Variants in PTK2 observed in about 807,000 individuals in gnomAD.
The protein encoded by PTK2 is focal adhesion kinase 1.
Under a neutral mutation model 150.1 loss-of-function variants are expected in PTK2, and 45 were observed. The ratio of observed to expected loss-of-function variants is 0.30; its 90% CI spans 0.24 to 0.38. The LOEUF (loss-of-function observed/expected upper bound fraction) is 0.38, where lower values mean the gene tolerates loss of function less well. PTK2 is among the 10% of genes least tolerant of loss of function. PTK2 has a pLI of 1.00. For synonymous variants in PTK2, 432 were observed against 449.2 expected (o/e 0.96, Z 0.48); for missense variants, 919 against 1,307.3 (o/e 0.70, Z 4.58).
intron 1 of PTK2, among the ~76,000 whole-genome samples, chr8:140,951,519 T>C (rs1208333685): frequency 1.3e-5 from 2 of 152,196 alleles, no homozygotes; most frequent in African/African-American, 4.8e-5. Context: ...GTTATTTTCC[T>C]GGGTTTATAT....
intron 31 of PTK2, among the ~76,000 whole-genome samples, chr8:140,661,574 T>C (rs141002100): frequency 2.0e-5 from 3 of 152,286 alleles, no homozygotes; most frequent in East Asian, 3.9e-4. Flanking sequence ...CATCAAATAC[T>C]TGAATCTATG....
At chr8:140,852,046 T>G (rs2100129608) in intron 5 of PTK2, among the ~76,000 whole-genome samples, 2 of 152,184 alleles carry the variant, frequency 1.3e-5, no homozygotes, top group African/African-American at 2.4e-5. Flanking sequence ...CTTGGATTTT[T>G]TTCATGACAT....
chr8:140,809,002 G>C (rs2100099844), intron 10 of PTK2, among the ~76,000 whole-genome samples: 1 of 151,914 alleles, frequency 6.6e-6, no homozygotes, highest in Non-Finnish European at 1.5e-5. Flanking sequence ...CAAAGTGCTG[G>C]GATTACAGGC....
At chr8:140,773,500 A>C (rs2100076728) in intron 14 of PTK2, among the ~76,000 whole-genome samples, 1 of 152,192 alleles carries the variant, frequency 6.6e-6, no homozygotes, top group African/African-American at 2.4e-5. Flanking sequence ...TCATCTGCAA[A>C]GACTTCCAGG....
At position 140,883,211 on chromosome 8, in the gene PTK2, G is replaced by C. The variant is rs575633387; in HGVS notation, c.196-3574C>G. On this transcript the variant is annotated intron_variant, in intron 3 of 31. Coordinates refer to ENST00000522684, the Ensembl canonical transcript of PTK2. ...ATAAACTGTTCATTCATTTATTCAT[G>C]AACATCTGAAGTGCCTACTACATGC... 1.2e-3 allele frequency among the ~76,000 whole-genome samples: 178 copies of C among 152,154 alleles called. 2 individuals are homozygous for C. The highest frequency in any genetic ancestry group is 4.1e-3 in the African/African-American group (170 of 41,512).
intron 4 of PTK2, among the ~76,000 whole-genome samples, chr8:140,873,037 C>T (rs914491773): frequency 2.6e-5 from 4 of 152,182 alleles, no homozygotes; most frequent in African/African-American, 9.7e-5. Flanking sequence ...TGTGAATAAT[C>T]CCCAAGTGAC....
In PTK2 at chr8:140,705,272, G is replaced by A. The variant is rs147943747; in HGVS notation, c.2229+847C>T. 1.3e-4 allele frequency among the ~76,000 whole-genome samples: 20 copies of A among 152,208 alleles called. 1 individual carries two copies. Among genetic ancestry groups the A allele is most frequent in the Admixed American group, 2.6e-4 (4 of 15,286 alleles). Reference sequence around the variant, plus strand: ...CCCAAGAGGCCTTAATTTAAACCACGCTTTCAACAACTCTGTGAAGGAAGT... The same window carrying A: ...CCCAAGAGGCCTTAATTTAAACCACACTTTCAACAACTCTGTGAAGGAAGT... On this transcript the variant is annotated intron_variant, in intron 24 of 31. Coordinates refer to ENST00000522684, the Ensembl canonical transcript of PTK2.
chr8:140,725,421 A>G (rs1481735921), intron 22 of PTK2, among the ~76,000 whole-genome samples: 2 of 152,188 alleles, frequency 1.3e-5, no homozygotes, highest in Non-Finnish European at 2.9e-5. Flanking sequence ...AGCATGGGAG[A>G]GCAACCATAG....
intron 10 of PTK2, among the ~76,000 whole-genome samples, chr8:140,807,148 T>C (rs1050789353): frequency 6.6e-6 from 1 of 152,256 alleles, no homozygotes; most frequent in Non-Finnish European, 1.5e-5. Context: ...AAGTATCAGA[T>C]ATACAGCAGC....
intron 5 of PTK2, among the ~76,000 whole-genome samples, chr8:140,851,537 T>C (rs917572089): frequency 2.0e-5 from 3 of 152,194 alleles, no homozygotes; most frequent in Admixed American, 1.3e-4. Context: ...CCATTTATAA[T>C]GGTTAAGTAA....
intron 2 of PTK2, among the ~76,000 whole-genome samples, chr8:140,896,167 G>A (rs1384548380): frequency 6.6e-6 from 1 of 152,102 alleles, no homozygotes; most frequent in Non-Finnish European, 1.5e-5. Context: ...AAACTAGACT[G>A]TTCTATTTAA....
At chr8:140,679,088 G>A (rs1350024542) in intron 27 of PTK2, among the ~76,000 whole-genome samples, 1 of 129,528 alleles carries the variant, frequency 7.7e-6, no homozygotes, top group Non-Finnish European at 1.5e-5. Context: ...GCAGTGGTGT[G>A]ATCTTGGCTC....
At chr8:140,971,101 C>T (rs2100187104) in intron 1 of PTK2, among the ~76,000 whole-genome samples, 1 of 152,122 alleles carries the variant, frequency 6.6e-6, no homozygotes, top group Non-Finnish European at 1.5e-5. Context: ...AAATTAGTCT[C>T]TAAGAATAGT....
At chr8:140,737,536 T>C (rs939759095) in intron 21 of PTK2, among the ~76,000 whole-genome samples, 1 of 152,372 alleles carries the variant, frequency 6.6e-6, no homozygotes, top group Middle Eastern at 3.4e-3. Context: ...GGGAGGAGAA[T>C]GTTGAAAACT....
At chr8:140,898,806 A>G (rs974804817) in intron 2 of PTK2, among the ~76,000 whole-genome samples, 2 of 152,214 alleles carry the variant, frequency 1.3e-5, no homozygotes, top group Non-Finnish European at 2.9e-5. Context: ...AAAACTTGAG[A>G]CATTTGCTGA....
intron 1 of PTK2, among the ~76,000 whole-genome samples, chr8:140,929,694 G>C (rs1265055035): frequency 1.3e-5 from 2 of 151,468 alleles, no homozygotes; most frequent in Non-Finnish European, 2.9e-5. Context: ...GGTCCATTCA[G>C]TTTATTTCAA....
At chr8:140,860,589 C>T (rs142289063) in intron 5 of PTK2, among the ~76,000 whole-genome samples, 1 of 152,178 alleles carries the variant, frequency 6.6e-6, no homozygotes, top group African/African-American at 2.4e-5. Flanking sequence ...ATTCTCCTGC[C>T]CCAGCTCCTC....
At chr8:140,816,470 T>G (rs776213322) in intron 10 of PTK2, among the ~76,000 whole-genome samples, 1 of 152,178 alleles carries the variant, frequency 6.6e-6, no homozygotes, top group African/African-American at 2.4e-5. Context: ...ACAGTGGTCA[T>G]CCTTAGGATG....
intron 7 of PTK2, among the ~76,000 whole-genome samples, chr8:140,842,961 T>C (rs1393713184): frequency 6.6e-6 from 1 of 152,132 alleles, no homozygotes; most frequent in East Asian, 1.9e-4. Context: ...CTAGCTCTCC[T>C]GTTTCAAGTA....
Sources: gnomAD v4.1 joint callset for allele counts (sites outside exome capture counted in the v4.1 genomes callset) on GRCh38, gnomAD v4.1.1 for gene constraint, MANE v1.5 for transcripts, NCBI Gene and HGNC (gene_info 2026-07-23, HGNC 2026-07-21) for gene names.